The following GLB1 variants were observed in gnomAD, a reference collection of about 807,000 sequenced individuals.
The protein encoded by GLB1 is galactosidase beta 1.
In GLB1, 56 loss-of-function variants were observed where a neutral mutation model predicts 74.0. That is an observed-to-expected ratio of 0.76 (90% CI 0.61 to 0.94). The LOEUF (loss-of-function observed/expected upper bound fraction) is 0.94, where lower values mean the gene tolerates loss of function less well. Ranked by LOEUF, GLB1 falls within the 40% of genes least tolerant of loss-of-function variation. The pLI is 0.00. For synonymous variants in GLB1, 323 were observed against 323.6 expected (o/e 1.00, Z 0.02); for missense variants, 787 against 845.5 (o/e 0.93, Z 0.86).
chr3:33,096,540 T>G, intron 1 of GLB1: 1 of 984,710 alleles, frequency 1.0e-6, no homozygotes, highest in Non-Finnish European at 1.2e-6. Context: ...AGAGGGGAAA[T>G]AACCCAATGT....
chr3:33,047,339 G>A (rs971835753), intron 9 of GLB1, among the ~76,000 whole-genome samples: 1 of 152,170 alleles, frequency 6.6e-6, no homozygotes, highest in African/African-American at 2.4e-5. Flanking sequence ...TGCAACATTG[G>A]GTGGTACTTC....
chr3:33,096,766 A>G, intron 1 of GLB1: 5 of 1,318,110 alleles, frequency 3.8e-6, no homozygotes, highest in Non-Finnish European at 4.8e-6. Flanking sequence ...CCAAGCGCAA[A>G]GGGCGGCCGG....
the GLB1 span, among the ~76,000 whole-genome samples, chr3:32,966,210 C>G: frequency 6.6e-6 from 1 of 152,158 alleles, no homozygotes; most frequent in African/African-American, 2.4e-5. Context: ...AGTGTCAGCC[C>G]GTTAAACCAG....
chr3:33,068,971 C>CT lies in GLB1; in HGVS notation c.246-2dup, dbSNP rs1699795796. ...CTCATGAAAGTTCCAGGGCACATACCTGCCAAGACACACACAGCCCCTTCC... is the reference window on the plus strand; with the variant it reads ...CTCATGAAAGTTCCAGGGCACATACCTTGCCAAGACACACACAGCCCCTTCC... On this transcript the variant is annotated splice_acceptor_variant, in intron 2 of 15. Transcript: ENST00000307363. LOFTEE classifies it high-confidence loss of function. 1.9e-6 allele frequency: 3 copies of CT among 1,614,062 alleles called. No individual in the cohort carries two copies. The highest frequency in any genetic ancestry group is 2.5e-6 in the Non-Finnish European group (3 of 1,180,026).
In GLB1 at chr3:33,072,605, G is replaced by C; in HGVS notation, c.184C>G (p.Arg62Gly). Residue 62 changes from arginine to glycine, a missense_variant, in exon 2 of 16, where the codon CGC (arginine) becomes GGC (glycine). Transcript: ENST00000307363. ...AGCAGCCGGTCCTTCCAGTAGAAGC[G>C]GGGCACACGGGAGTAGTGAATGCTT... ...SGSIHYSRVPRFYWKDRLLKM... is the reference protein window; with the variant it reads ...SGSIHYSRVPGFYWKDRLLKM... 1 of 1,614,060 alleles carries C rather than the reference G, an allele frequency of 6.2e-7. No homozygotes were observed. Among genetic ancestry groups the C allele is most frequent in the Non-Finnish European group, 8.5e-7 (1 of 1,180,046 alleles).
chr3:33,015,091 G>C (rs923177168), intron 14 of GLB1, among the ~76,000 whole-genome samples: 5 of 152,196 alleles, frequency 3.3e-5, no homozygotes, highest in African/African-American at 1.2e-4. Flanking sequence ...AGGAGACAGA[G>C]GTTGCAGTAA....
At chr3:32,990,391 T>C in the GLB1 span, among the ~76,000 whole-genome samples, 1 of 152,208 alleles carries the variant, frequency 6.6e-6, no homozygotes, top group Non-Finnish European at 1.5e-5. Context: ...ACATGGTTCA[T>C]TAATAGATCT....
the GLB1 span, among the ~76,000 whole-genome samples, chr3:32,976,793 A>C: frequency 2.6e-5 from 4 of 152,200 alleles, no homozygotes; most frequent in African/African-American, 9.7e-5. Context: ...AATTATTAGA[A>C]ATTCAGAGGT....
intron 11 of GLB1, among the ~76,000 whole-genome samples, chr3:33,023,205 A>C (rs1385787287): frequency 6.6e-6 from 1 of 152,194 alleles, no homozygotes; most frequent in African/African-American, 2.4e-5. Context: ...ATTTGGAGCT[A>C]TTTTCTGTTG....
chr3:32,997,584 C>T (rs1696368315), intron 15 of GLB1, among the ~76,000 whole-genome samples: 2 of 152,218 alleles, frequency 1.3e-5, no homozygotes, highest in South Asian at 2.1e-4. Flanking sequence ...AAACTTGCCC[C>T]AAAGACCCAC....
At chr3:33,024,227 G>A in intron 11 of GLB1, 24 bp downstream of exon 11, 4 of 1,597,352 alleles carry the variant, frequency 2.5e-6, no homozygotes, top group Non-Finnish European at 3.4e-6. Context: ...CACTTTCAAA[G>A]TTTCTGTTAT....
At chr3:32,978,502 A>T in the GLB1 span, among the ~76,000 whole-genome samples, 1 of 152,346 alleles carries the variant, frequency 6.6e-6, no homozygotes, top group South Asian at 2.1e-4. Context: ...GAGTTTTGTA[A>T]CAGACGGCAA....
chr3:32,987,322 C>G, the GLB1 span, among the ~76,000 whole-genome samples: 1 of 152,234 alleles, frequency 6.6e-6, no homozygotes, highest in Non-Finnish European at 1.5e-5. Context: ...ATCAGTGGAG[C>G]CTGTTCCAGA....
intron 1 of GLB1, among the ~76,000 whole-genome samples, chr3:33,085,594 GAT>G (rs983093176): frequency 1.3e-5 from 2 of 151,702 alleles, no homozygotes; most frequent in Non-Finnish European, 2.9e-5. Flanking sequence ...CCTAAATTGT[GAT>G]CTGCAAACAT....
chr3:33,045,190 T>C, intron 10 of GLB1: 1 of 345,000 alleles, frequency 2.9e-6, no homozygotes, highest in Non-Finnish European at 4.1e-6. Context: ...CCAGATGCTG[T>C]AATCCCAGTT....
In GLB1 at chr3:33,005,557, C is replaced by T. The variant is rs551504155; in HGVS notation, c.1735-8213G>A. 6.6e-4 allele frequency among the ~76,000 whole-genome samples: 101 copies of T among 152,234 alleles called. 1 individual carries two copies. Among genetic ancestry groups the T allele is most frequent in the African/African-American group, 2.0e-3 (83 of 41,540 alleles). On this transcript the variant is annotated intron_variant, in intron 15 of 15. Coordinates refer to ENST00000307363, the MANE Select transcript of GLB1 (RefSeq NM_000404.4). ...AAAAGTTTTACATACTCTTTTCTGG[C>T]ATAATCATGTCTCAGTGCAGCCTTG...
In GLB1 at chr3:33,014,090, T is replaced by C. The variant is rs1289328389; in HGVS notation, c.1700A>G (p.Gln567Arg). ...SIPSGIPDLP[Q>R]DTFIQFPGWT... is the part of the protein sequence containing the mutation. ...TCCAGGAAACTGGATAAAGGTGTCC[T>C]GGGGCAAGTCTGGGATCCCACTGGG... is the stretch of plus-strand genomic sequence containing the variant. Residue 567 changes from glutamine to arginine, a missense_variant, in exon 15 of 16, where the codon CAG (glutamine) becomes CGG (arginine). Transcript: ENST00000307363. 26 of 1,614,064 alleles carry C rather than the reference T, an allele frequency of 1.6e-5. No homozygotes were observed. The highest frequency in any genetic ancestry group is 2.0e-5 in the Non-Finnish European group (24 of 1,180,040).
At chr3:32,986,113 C>T in the GLB1 span, among the ~76,000 whole-genome samples, 1 of 152,212 alleles carries the variant, frequency 6.6e-6, no homozygotes, top group Non-Finnish European at 1.5e-5. Flanking sequence ...TTCCATGTTC[C>T]CTTTTGCCTG....
At chr3:33,017,899 C>G (rs1446286636) in intron 13 of GLB1, among the ~76,000 whole-genome samples, 2 of 152,060 alleles carry the variant, frequency 1.3e-5, no homozygotes, top group African/African-American at 2.4e-5. Flanking sequence ...GCACAGCCCT[C>G]TGGGTTAAGA....
Sources: allele counts gnomAD v4.1 joint callset (sites outside exome capture counted in the v4.1 genomes callset), GRCh38; gene constraint gnomAD v4.1.1; transcripts MANE v1.5; gene names NCBI Gene and HGNC (gene_info 2026-07-23, HGNC 2026-07-21).